Variants in SLC13A2 observed in about 807,000 individuals in gnomAD.
SLC13A2 encodes solute carrier family 13 member 2, also known as Na(+)-coupled citrate transporter.
Under a neutral mutation model 58.5 loss-of-function variants are expected in SLC13A2, and 40 were observed. That is an observed-to-expected ratio of 0.68 (90% CI 0.53 to 0.89). The LOEUF (loss-of-function observed/expected upper bound fraction) is 0.89, where lower values mean the gene tolerates loss of function less well. SLC13A2 is among the 40% of genes least tolerant of loss of function. The probability of loss-of-function intolerance (pLI) is 0.00; values close to 1 mark genes in which losing one functional copy is unlikely to be tolerated. For synonymous variants in SLC13A2, 341 were observed against 331.6 expected (o/e 1.03, Z -0.31); for missense variants, 694 against 772.6 (o/e 0.90, Z 1.21).
At chr17:28,489,708 G>A (rs1555602766) in intron 2 of SLC13A2, among the ~76,000 whole-genome samples, 2 of 152,180 alleles carry the variant, frequency 1.3e-5, no homozygotes, top group Non-Finnish European at 1.5e-5. Flanking sequence ...AAACACAAAT[G>A]GCTGGGTCCA....
chr17:28,490,760 C>G lies in SLC13A2; in HGVS notation c.428C>G (p.Ala143Gly). ...CTGTCCATGTGGATCAGCAACACGG[C>G]CACCTCAGCCATGATGGTGCCCATC... ...AFLSMWISNT[A>G]TSAMMVPIAH... Residue 143 changes from alanine to glycine, a missense_variant, in exon 4 of 12, where the codon GCC becomes GGC. Coordinates refer to ENST00000314669, the MANE Select transcript of SLC13A2 (RefSeq NM_003984.4). The G allele has an allele frequency of 6.2e-7, 1 of 1,614,172 alleles. No homozygotes were observed. The highest frequency in any genetic ancestry group is 8.5e-7 in the Non-Finnish European group (1 of 1,180,030).
chr17:28,494,260 T>C lies in SLC13A2; in HGVS notation c.1187-131T>C. On this transcript the variant is annotated intron_variant, in intron 8 of 11. Transcript: ENST00000314669. This position sits in a 1 kb window ranked among gnomAD's most constrained non-coding sequence, Gnocchi z 4.0. ...CAGGGACTCGGAGACAAAGTTGAGA[T>C]GTTGCAGAACTGAGGGTCCCCTCCT... The C allele has an allele frequency of 6.5e-7, 1 of 1,540,132 alleles. No individual in the cohort carries two copies. Among genetic ancestry groups the C allele is most frequent in the Non-Finnish European group, 8.9e-7 (1 of 1,118,264 alleles).
Position 28,491,507 on chromosome 17 carries a change from C to T in SLC13A2, c.645C>T (p.Leu215=), listed in dbSNP as rs1555603399. The stretch of plus-strand genomic sequence containing the variant: ...GGGCACATCTCAGCCAGAAGCATCT[C>T]CACCTCACCCAGTGCATGAGCCTGT... ...EGRAHLSQKH[L]HLTQCMSLCV... Residue 215 remains leucine (L), a synonymous_variant, in exon 5 of 12, where the codon CTC becomes CTT. Transcript: ENST00000314669. 6.2e-7 allele frequency: 1 copy of T among 1,613,818 alleles called. No individual in the cohort carries two copies. Among genetic ancestry groups the T allele is most frequent in the Non-Finnish European group, 8.5e-7 (1 of 1,180,048 alleles).
intron 1 of SLC13A2, among the ~76,000 whole-genome samples, chr17:28,474,915 G>C (rs912220444): frequency 6.6e-6 from 1 of 152,180 alleles, no homozygotes. Context: ...AATTGAGTCA[G>C]ACTTTTTTGT....
At position 28,494,239 on chromosome 17, in the gene SLC13A2, G is replaced by C; in HGVS notation, c.1186+134G>C. 4.0e-6 allele frequency: 6 copies of C among 1,498,066 alleles called. No homozygotes were observed. The South Asian group carries it at 6.9e-5, about 17-fold the overall frequency. The allele number at this position is 1,498,066 out of a possible 1,614,324, so 92.8% of individuals were successfully genotyped here. On this transcript the variant is annotated intron_variant, in intron 8 of 11. Transcript: ENST00000314669. This position sits in a 1 kb window ranked among gnomAD's most constrained non-coding sequence, Gnocchi z 4.0. ...TGGAGCGACTTGCCAAGGGCACAGG[G>C]ACTCGGAGACAAAGTTGAGATGTTG...
In SLC13A2 at chr17:28,479,329, T is replaced by C. The variant is rs571089472; in HGVS notation, c.102+5515T>C. Among the ~76,000 whole-genome samples the C allele has an allele frequency of 3.3e-5, 5 of 152,210 alleles. No homozygotes were observed. The South Asian group carries it at 1.0e-3, about 32-fold the overall frequency. On this transcript the variant is annotated intron_variant, in intron 1 of 11. Coordinates refer to ENST00000314669, the MANE Select transcript of SLC13A2 (RefSeq NM_003984.4). ...GGGAGAGCTTAGCAAATTGAAGGGA[T>C]TAAGCAAGGCCAGTGTGGCTTTGGG...
chr17:28,491,868 G>A lies in SLC13A2; in HGVS notation c.878+16G>A, dbSNP rs2151460259. ...TGGGCTTCAAGTAAGTGGCAAAGTTGGTGAGAGAAGCCCAGGTCCCTGCCC... is the reference window on the plus strand; with the variant it reads ...TGGGCTTCAAGTAAGTGGCAAAGTTAGTGAGAGAAGCCCAGGTCCCTGCCC... On this transcript the variant is annotated intron_variant, in intron 6 of 11. Coordinates refer to ENST00000314669, the MANE Select transcript of SLC13A2 (RefSeq NM_003984.4). 1.2e-6 allele frequency: 2 copies of A among 1,613,304 alleles called. No individual in the cohort carries two copies. Among genetic ancestry groups the A allele is most frequent in the African/African-American group, 2.7e-5 (2 of 75,002 alleles).
chr17:28,488,952 T>C (rs1597882422), intron 1 of SLC13A2, among the ~76,000 whole-genome samples: 1 of 152,206 alleles, frequency 6.6e-6, no homozygotes. Context: ...TGGGGACTGG[T>C]AACCAACTCC....
rs1364961397 is a variant in SLC13A2 at position 28,494,227 on chromosome 17, C to A, written c.1186+122C>A. Reference sequence around the variant, plus strand: ...GCCCAGAAAGGCTGGAGCGACTTGCCAAGGGCACAGGGACTCGGAGACAAA... The same window carrying A: ...GCCCAGAAAGGCTGGAGCGACTTGCAAAGGGCACAGGGACTCGGAGACAAA... On this transcript the variant is annotated intron_variant, in intron 8 of 11. Transcript: ENST00000314669. The surrounding 1 kb of genome is among the most constrained non-coding windows in gnomAD (Gnocchi z 4.0). 1 of 1,486,274 alleles carries A rather than the reference C, an allele frequency of 6.7e-7. No individual in the cohort carries two copies. The highest frequency in any genetic ancestry group is 9.3e-7 in the Non-Finnish European group (1 of 1,073,252). 92.1% of individuals were successfully genotyped at this position (1,486,274 alleles called of 1,614,324 possible). A position where few individuals can be genotyped will look rare whatever the true frequency, so the allele number is the denominator to read the frequency against.
In SLC13A2 at chr17:28,493,658, G is replaced by A. The variant is rs2069074657; in HGVS notation, c.966G>A (p.Leu322=). ...TCATCCAGACCGAGCACAGGCTGCT[G>A]GGCCCCATGACCTTTGCAGAAAAGG... is the stretch of plus-strand genomic sequence containing the variant. The part of the protein sequence containing the change: ...YCVIQTEHRL[L]GPMTFAEKAI... Residue 322 remains leucine (L), a synonymous_variant, in exon 7 of 12, where the codon CTG becomes CTA. Coordinates refer to ENST00000314669, the MANE Select transcript of SLC13A2 (RefSeq NM_003984.4). 1 of 1,614,236 alleles carries A rather than the reference G, an allele frequency of 6.2e-7. No individual in the cohort carries two copies. Among genetic ancestry groups the A allele is most frequent in the Non-Finnish European group, 8.5e-7 (1 of 1,180,046 alleles).
At chr17:28,483,201 G>C (rs534871639) in intron 1 of SLC13A2, among the ~76,000 whole-genome samples, 1 of 152,324 alleles carries the variant, frequency 6.6e-6, no homozygotes, top group Admixed American at 6.5e-5. Context: ...CGGGTCCGGA[G>C]TCTGCCCTGG....
intron 1 of SLC13A2, 26 bp downstream of exon 1, chr17:28,473,840 G>C: frequency 6.3e-6 from 10 of 1,598,780 alleles, no homozygotes; most frequent in Non-Finnish European, 8.6e-6. Flanking sequence ...TCTGAGCACA[G>C]ATAACTCCAG....
intron 1 of SLC13A2, among the ~76,000 whole-genome samples, chr17:28,486,172 T>C (rs553634815): frequency 5.9e-5 from 9 of 152,286 alleles, no homozygotes; most frequent in African/African-American, 1.7e-4. Flanking sequence ...AAAGTTGGTA[T>C]AATAACTACC....
At chr17:28,476,982 C>A (rs930267413) in intron 1 of SLC13A2, among the ~76,000 whole-genome samples, 12 of 150,072 alleles carry the variant, frequency 8.0e-5, no homozygotes, top group African/African-American at 3.0e-4. Flanking sequence ...CATGATGAAA[C>A]CCCGTCTCTA....
chr17:28,488,736 T>C (rs546078831), intron 1 of SLC13A2, among the ~76,000 whole-genome samples: 1 of 152,342 alleles, frequency 6.6e-6, no homozygotes, highest in Non-Finnish European at 1.5e-5. Flanking sequence ...AAACCGACTC[T>C]GTCTGATGGA....
Position 28,496,917 on chromosome 17 carries a change from G to C in SLC13A2, c.1609-182G>C, listed in dbSNP as rs111908990. Among the ~76,000 whole-genome samples the C allele has an allele frequency of 3.4e-3, 520 of 152,314 alleles. 4 individuals are homozygous for C. Among genetic ancestry groups the C allele is most frequent in the African/African-American group, 0.012 (484 of 41,552 alleles). The stretch of plus-strand genomic sequence containing the variant: ...CTCAGGAGGAGCGCCCCTTTCCCCT[G>C]TTAGCACAGGGAGTAAAGCAAGGGG... On this transcript the variant is annotated intron_variant, in intron 11 of 11. Transcript: ENST00000314669. This position sits in a 1 kb window ranked among gnomAD's most constrained non-coding sequence, Gnocchi z 4.2.
At chr17:28,495,477 C>T (rs1006311145) in intron 9 of SLC13A2, among the ~76,000 whole-genome samples, 178 bp from the exon 10 acceptor site, 2 of 152,188 alleles carry the variant, frequency 1.3e-5, no homozygotes, top group Non-Finnish European at 2.9e-5. Context: ...AGCTGTTCTT[C>T]AAGAGCAGGA....
chr17:28,489,828 C>G (rs1408436029), intron 2 of SLC13A2, among the ~76,000 whole-genome samples: 1 of 152,198 alleles, frequency 6.6e-6, no homozygotes, highest in African/African-American at 2.4e-5. Flanking sequence ...GAACCACTGT[C>G]TAGTTTTTAG....
chr17:28,474,633 A>G (rs1179972210), intron 1 of SLC13A2, among the ~76,000 whole-genome samples: 3 of 152,142 alleles, frequency 2.0e-5, no homozygotes, highest in African/African-American at 7.2e-5. Flanking sequence ...CTTGGATATT[A>G]TACACTTTTG....
Sources: gnomAD v4.1 joint callset for allele counts (sites outside exome capture counted in the v4.1 genomes callset) on GRCh38, gnomAD v4.1.1 for gene constraint, Gnocchi (gnomAD v3.1) non-coding constraint, MANE v1.5 for transcripts, NCBI Gene and HGNC (gene_info 2026-07-23, HGNC 2026-07-21) for gene names.